RAB5IF: variants seen among roughly 807,000 people sequenced by gnomAD.
The protein encoded by RAB5IF is GEL complex subunit OPTI.
Under a neutral mutation model 20.3 loss-of-function variants are expected in RAB5IF, and 15 were observed. The ratio of observed to expected loss-of-function variants is 0.74; its 90% CI spans 0.50 to 1.14. The LOEUF is 1.14. Ranked by LOEUF, RAB5IF falls within the 50% of genes most tolerant of loss-of-function variation. The pLI, the probability that RAB5IF is intolerant of heterozygous loss-of-function variation, is 0.00. For synonymous variants in RAB5IF, 67 were observed against 63.7 expected (o/e 1.05, Z -0.25); for missense variants, 148 against 159.5 (o/e 0.93, Z 0.39).
chr20:36,611,153 A>G (rs1407880662), intron 3 of RAB5IF, among the ~76,000 whole-genome samples: 1 of 151,708 alleles, frequency 6.6e-6, no homozygotes, highest in Non-Finnish European at 1.5e-5. Context: ...CCATGCCCGG[A>G]TATTTTTTGT....
intron 2 of RAB5IF, among the ~76,000 whole-genome samples, chr20:36,609,239 ACACACACACACACACACT>A (rs2039040334): frequency 7.7e-6 from 1 of 130,600 alleles, no homozygotes; most frequent in Non-Finnish European, 1.6e-5. Context: ...ACACACACAC[ACACACACACACACACACT>A]ATATATAGAG....
rs2039034627 is a variant in RAB5IF at position 36,609,219 on chromosome 20, G to GCACACACGCACACACGCA, written c.219-375_219-374insGCACACACGCACACACAC. ...CGCACACACGCACACACGCACACACGCACACACACACACACACACACACAC... is the reference window on the plus strand; with the variant it reads ...CGCACACACGCACACACGCACACACGCACACACGCACACACGCACACACACACACACACACACACACAC... On this transcript the variant is annotated intron_variant, in intron 2 of 3. Coordinates refer to ENST00000344795, the MANE Select transcript of RAB5IF (RefSeq NM_018840.5). Among the ~76,000 whole-genome samples, 2 of 42,774 alleles carry GCACACACGCACACACGCA rather than the reference G, an allele frequency of 4.7e-5. 1 individual carries two copies. The highest frequency in any genetic ancestry group is 2.0e-4 in the African/African-American group (2 of 10,130). The allele number at this position is 42,774 out of a possible 152,430, so 28.1% of individuals were successfully genotyped here. A position where few individuals can be genotyped will look rare whatever the true frequency, so the allele number is the denominator to read the frequency against.
intron 2 of RAB5IF, among the ~76,000 whole-genome samples, chr20:36,609,171 A>ACGCACGCACGCACG (rs2039017809): frequency 5.2e-5 from 1 of 19,244 alleles, no homozygotes; most frequent in African/African-American, 2.2e-4. Flanking sequence ...ACACACACAC[A>ACGCACGCACGCACG]CACACACACA....
intron 2 of RAB5IF, among the ~76,000 whole-genome samples, chr20:36,608,557 T>C (rs13045394): frequency 9.9e-4 from 98 of 98,618 alleles, no homozygotes; most frequent in African/African-American, 6.0e-3. Flanking sequence ...GGTCTCATTC[T>C]TTTTTTTTTT....
intron 3 of RAB5IF, among the ~76,000 whole-genome samples, chr20:36,610,392 G>A (rs963074657): frequency 3.9e-5 from 6 of 152,038 alleles, no homozygotes; most frequent in South Asian, 2.1e-4. Flanking sequence ...ACAGTAGAAT[G>A]TTATTTGGCC....
intron 1 of RAB5IF, 93 bp downstream of exon 1, chr20:36,606,158 C>A: frequency 1.3e-6 from 1 of 790,488 alleles, no homozygotes; most frequent in Non-Finnish European, 1.9e-6. Flanking sequence ...GTCCTCGTTC[C>A]GGCACAATCG....
chr20:36,612,418 C>CGA lies in RAB5IF; in HGVS notation c.*367_*368insGA. ...CTCCATCGGGTGTAGAGTTTTTAAA[C>CGA]TATCAATGGCATTTCAAGTCTTCTG... On this transcript the variant is annotated 3_prime_UTR_variant, in exon 4 of 4. Transcript: ENST00000344795. The CGA allele has an allele frequency of 1.6e-6, 1 of 619,030 alleles. No homozygotes were observed. Among genetic ancestry groups the CGA allele is most frequent in the African/African-American group, 1.9e-5 (1 of 53,668 alleles). The allele number at this position is 619,030 out of a possible 1,614,324, so 38.3% of individuals were successfully genotyped here. A position where few individuals can be genotyped will look rare whatever the true frequency, so the allele number is the denominator to read the frequency against.
chr20:36,611,202 C>T (rs936292662), intron 3 of RAB5IF, among the ~76,000 whole-genome samples: 44 of 152,162 alleles, frequency 2.9e-4, no homozygotes, highest in Non-Finnish European at 1.8e-4. Context: ...GTTGGCCAGG[C>T]TGGTCTTGGA....
At chr20:36,609,256 C>CACACTATA (rs1555790839) in intron 2 of RAB5IF, among the ~76,000 whole-genome samples, 2 of 121,580 alleles carry the variant, frequency 1.6e-5, no homozygotes, top group Admixed American at 7.9e-5. Context: ...CACACACACA[C>CACACTATA]TATATATAGA....
chr20:36,609,156 T>TACATACATACACATACACAC, intron 2 of RAB5IF, among the ~76,000 whole-genome samples: 5 of 17,060 alleles, frequency 2.9e-4, no homozygotes, highest in African/African-American at 1.2e-3. Flanking sequence ...AGAACTATAT[T>TACATACATACACATACACAC]ACACACACAC....
At chr20:36,608,617 G>A (rs1285680675) in intron 2 of RAB5IF, among the ~76,000 whole-genome samples, 1 of 141,766 alleles carries the variant, frequency 7.1e-6, no homozygotes, top group Non-Finnish European at 1.5e-5. Context: ...AGGCAGGCGT[G>A]TACTGGCGTG....
chr20:36,612,227 T>C lies in RAB5IF; in HGVS notation c.*176T>C, dbSNP rs1273580959. On this transcript the variant is annotated 3_prime_UTR_variant, in exon 4 of 4. Coordinates refer to ENST00000344795, the MANE Select transcript of RAB5IF (RefSeq NM_018840.5). Reference sequence around the variant, plus strand: ...TTCTGCAAGGGTTGTGACCTGAAACTTTTTAAAAACCACCCACCTTTGGGG... The same window carrying C: ...TTCTGCAAGGGTTGTGACCTGAAACCTTTTAAAAACCACCCACCTTTGGGG... 1 of 1,613,628 alleles carries C rather than the reference T, an allele frequency of 6.2e-7. No homozygotes were observed. Among genetic ancestry groups the C allele is most frequent in the East Asian group, 2.2e-5 (1 of 44,886 alleles).
chr20:36,606,706 G>A (rs114848792), intron 1 of RAB5IF, among the ~76,000 whole-genome samples: 3,770 of 152,294 alleles, frequency 0.025, 168 homozygotes, highest in African/African-American at 0.086. Context: ...AACGCCACCA[G>A]ATATGTGCGA....
rs1163910703 is a variant in RAB5IF at position 36,609,213 on chromosome 20, ACACACG to A, written c.219-382_219-377del. Among the ~76,000 whole-genome samples the A allele has an allele frequency of 5.5e-4, 42 of 76,222 alleles. 2 individuals carry two copies. Among genetic ancestry groups the A allele is most frequent in the South Asian group, 1.9e-3 (4 of 2,064 alleles). 50.0% of individuals were successfully genotyped at this position (76,222 alleles called of 152,430 possible). A position where few individuals can be genotyped will look rare whatever the true frequency, so the allele number is the denominator to read the frequency against. On this transcript the variant is annotated intron_variant, in intron 2 of 3. Coordinates refer to ENST00000344795, the MANE Select transcript of RAB5IF (RefSeq NM_018840.5). The stretch of plus-strand genomic sequence containing the variant: ...CACACACGCACACACGCACACACGC[ACACACG>A]CACACACACACACACACACACACAC...
chr20:36,611,437 GA>G (rs1186675195), intron 3 of RAB5IF, among the ~76,000 whole-genome samples: 3,288 of 103,980 alleles, frequency 0.032, 140 homozygotes, highest in African/African-American at 0.11. Context: ...CTCTACAGGG[GA>G]AAAAAAAAAA....
rs1382468449 is a variant in RAB5IF at position 36,612,225 on chromosome 20, A to G, written c.*174A>G. On this transcript the variant is annotated 3_prime_UTR_variant, in exon 4 of 4. Transcript: ENST00000344795. ...TTTTCTGCAAGGGTTGTGACCTGAA[A>G]CTTTTTAAAAACCACCCACCTTTGG... 1 of 1,613,742 alleles carries G rather than the reference A, an allele frequency of 6.2e-7. No homozygotes were observed. Among genetic ancestry groups the G allele is most frequent in the East Asian group, 2.2e-5 (1 of 44,884 alleles).
Position 36,612,389 on chromosome 20 carries a change from G to A in RAB5IF, c.*338G>A, listed in dbSNP as rs915962519. On this transcript the variant is annotated 3_prime_UTR_variant, in exon 4 of 4. Transcript: ENST00000344795. The stretch of plus-strand genomic sequence containing the variant: ...GATGAAACATTAAATTGTCTTCCTC[G>A]ATTCTCCATCGGGTGTAGAGTTTTT... 3 of 675,798 alleles carry A rather than the reference G, an allele frequency of 4.4e-6. No individual in the cohort carries two copies. Among genetic ancestry groups the A allele is most frequent in the African/African-American group, 1.8e-5 (1 of 55,250 alleles). The allele number at this position is 675,798 out of a possible 1,614,324, so 41.9% of individuals were successfully genotyped here.
intron 2 of RAB5IF, among the ~76,000 whole-genome samples, chr20:36,609,205 A>ACACACACACACAC (rs2039031042): frequency 3.1e-5 from 2 of 64,266 alleles, no homozygotes; most frequent in Admixed American, 1.6e-4. Flanking sequence ...GCACACACGC[A>ACACACACACACAC]CACACGCACA....
Position 36,612,303 on chromosome 20 carries a change from A to G in RAB5IF, c.*252A>G. 1 of 1,331,722 alleles carries G rather than the reference A, an allele frequency of 7.5e-7. No individual in the cohort carries two copies. The highest frequency in any genetic ancestry group is 1.1e-6 in the Non-Finnish European group (1 of 926,804). The allele number at this position is 1,331,722 out of a possible 1,614,324, so 82.5% of individuals were successfully genotyped here. ...CAACCATTTCTTCTTGGATACCATC[A>G]AGTAACAGCTATTATTTGCCAAGTG... On this transcript the variant is annotated 3_prime_UTR_variant, in exon 4 of 4. Coordinates refer to ENST00000344795, the MANE Select transcript of RAB5IF (RefSeq NM_018840.5).
Sources: allele counts gnomAD v4.1 joint callset (sites outside exome capture counted in the v4.1 genomes callset), GRCh38; gene constraint gnomAD v4.1.1; transcripts MANE v1.5; gene names NCBI Gene and HGNC (gene_info 2026-07-23, HGNC 2026-07-21).